The following SETBP1 variants were observed in gnomAD, a reference collection of about 807,000 sequenced individuals.
The protein encoded by SETBP1 is SET-binding protein.
A neutral mutation model predicts 101.0 loss-of-function variants in SETBP1; 9 were observed. The ratio of observed to expected loss-of-function variants is 0.09; its 90% confidence interval spans 0.05 to 0.16. The LOEUF (loss-of-function observed/expected upper bound fraction) is 0.16, where lower values mean the gene tolerates loss of function less well. SETBP1 is among the 10% of genes least tolerant of loss of function. The pLI, the probability that SETBP1 is intolerant of heterozygous loss-of-function variation, is 1.00. For synonymous variants in SETBP1, 818 were observed against 788.5 expected (o/e 1.04, Z -0.63); for missense variants, 1,858 against 2,033.8 (o/e 0.91, Z 1.66).
intron 4 of SETBP1, among the ~76,000 whole-genome samples, chr18:44,967,406 A>T (rs2071744812): frequency 6.6e-6 from 1 of 152,226 alleles, no homozygotes; most frequent in Non-Finnish European, 1.5e-5. Context: ...ATAAAAATGC[A>T]GTGATAAGAA....
intron 4 of SETBP1, among the ~76,000 whole-genome samples, chr18:44,998,563 C>CG (rs2072549023): frequency 6.6e-6 from 1 of 152,228 alleles, no homozygotes; most frequent in African/African-American, 2.4e-5. Context: ...CAACGACTGC[C>CG]GTTCCTTTTT....
At position 44,844,410 on chromosome 18, in the gene SETBP1, A is replaced by G. The variant is rs184654043; in HGVS notation, c.487-24820A>G. The stretch of plus-strand genomic sequence containing the variant: ...ACTGCATTGCTCTGACTTCAACTAG[A>G]GAGACATACTTCCTGCTTCTTACTG... On this transcript the variant is annotated intron_variant, in intron 2 of 5. Coordinates refer to ENST00000649279, the MANE Select transcript of SETBP1 (RefSeq NM_015559.3). Among the ~76,000 whole-genome samples, 129 of 152,038 alleles carry G rather than the reference A, an allele frequency of 8.5e-4. 1 individual carries two copies. Among genetic ancestry groups the G allele is most frequent in the Middle Eastern group, 3.4e-3 (1 of 294 alleles).
chr18:45,022,925 C>T (rs911069764), intron 4 of SETBP1, among the ~76,000 whole-genome samples: 7 of 152,228 alleles, frequency 4.6e-5, no homozygotes, highest in Non-Finnish European at 1.0e-4. Flanking sequence ...AGTAGCCTCA[C>T]ATTTAAGCCT....
At position 44,800,383 on chromosome 18, in the gene SETBP1, G is replaced by T. The variant is rs993573935; in HGVS notation, c.487-68847G>T. On this transcript the variant is annotated intron_variant, in intron 2 of 5. Transcript: ENST00000649279. Reference sequence around the variant, plus strand: ...AAGCAGGGATTTATATTGGGATTCTGTTTATAATTCTTGAAGGATATCTAT... The same window carrying T: ...AAGCAGGGATTTATATTGGGATTCTTTTTATAATTCTTGAAGGATATCTAT... Among the ~76,000 whole-genome samples, 5 of 152,154 alleles carry T rather than the reference G, an allele frequency of 3.3e-5. No homozygotes were observed. In the South Asian group the frequency reaches 1.0e-3, roughly 32 times the overall value.
At chr18:44,754,807 G>A (rs1195354229) in intron 2 of SETBP1, among the ~76,000 whole-genome samples, 3 of 152,168 alleles carry the variant, frequency 2.0e-5, no homozygotes, top group Non-Finnish European at 4.4e-5. Flanking sequence ...ATCTGTTGCT[G>A]GGCTTGATGA....
chr18:44,773,297 G>T (rs2070915250), intron 2 of SETBP1, among the ~76,000 whole-genome samples: 2 of 152,126 alleles, frequency 1.3e-5, no homozygotes, highest in Non-Finnish European at 2.9e-5. Flanking sequence ...GATCTTCCTG[G>T]AACTGAGGGA....
intron 3 of SETBP1, among the ~76,000 whole-genome samples, chr18:44,946,642 T>C (rs1202786127): frequency 1.3e-5 from 2 of 152,240 alleles, no homozygotes; most frequent in Non-Finnish European, 2.9e-5. Flanking sequence ...TTGTCTTTTG[T>C]GTGCAGCTGT....
intron 2 of SETBP1, chr18:44,733,423 C>T (rs2069883612): frequency 6.6e-6 from 1 of 152,214 alleles, no homozygotes; most frequent in Non-Finnish European, 1.5e-5. Context: ...CCTGTCTCTC[C>T]ACATTAAAGT....
At position 44,788,002 on chromosome 18, in the gene SETBP1, GT is replaced by G. The variant is rs879795599; in HGVS notation, c.487-81216del. Among the ~76,000 whole-genome samples the G allele has an allele frequency of 4.3e-3, 621 of 144,708 alleles. 5 individuals are homozygous for G. Among genetic ancestry groups the G allele is most frequent in the Middle Eastern group, 0.014 (4 of 282 alleles). The allele number at this position is 144,708 out of a possible 152,430, so 94.9% of individuals were successfully genotyped here. On this transcript the variant is annotated intron_variant, in intron 2 of 5. Coordinates refer to ENST00000649279, the MANE Select transcript of SETBP1 (RefSeq NM_015559.3). ...GACTTGTATACATTAGTTTATTGGA[GT>G]TTTTTTTTTTTCTTCACAATAGGAG...
intron 2 of SETBP1, among the ~76,000 whole-genome samples, chr18:44,827,732 G>T (rs545272409): frequency 6.6e-6 from 1 of 152,130 alleles, no homozygotes; most frequent in African/African-American, 2.4e-5. Context: ...AACATTAGGC[G>T]ATCAAAGCAT....
At chr18:44,995,141 T>A (rs1274888555) in intron 4 of SETBP1, among the ~76,000 whole-genome samples, 1 of 140,764 alleles carries the variant, frequency 7.1e-6, no homozygotes, top group Admixed American at 7.0e-5. Flanking sequence ...TTTACTTTTT[T>A]TTTTTTTTTT....
intron 3 of SETBP1, among the ~76,000 whole-genome samples, chr18:44,930,923 T>G (rs1349941543): frequency 6.6e-6 from 1 of 152,198 alleles, no homozygotes; most frequent in Non-Finnish European, 1.5e-5. Flanking sequence ...AAGAGTTTTT[T>G]GTGTCTCTAT....
At position 44,950,894 on chromosome 18, in the gene SETBP1, G is replaced by T; in HGVS notation, c.1554G>T (p.Leu518=). The T allele has an allele frequency of 1.2e-6, 2 of 1,614,180 alleles. No individual in the cohort carries two copies. Among genetic ancestry groups the T allele is most frequent in the African/African-American group, 1.3e-5 (1 of 75,042 alleles). The change falls in exon 4 of 6, where the codon CTG becomes CTT. Residue 518 remains leucine, a synonymous_variant. Coordinates refer to ENST00000649279, the MANE Select transcript of SETBP1 (RefSeq NM_015559.3). ...TCTDHSPSRK[L]PEIQHPKFAA... is the part of the protein sequence containing the mutation. Reference sequence around the variant, plus strand: ...CAGATCACTCTCCATCCAGAAAGCTGCCAGAAATCCAGCATCCAAAATTTG... The same window carrying T: ...CAGATCACTCTCCATCCAGAAAGCTTCCAGAAATCCAGCATCCAAAATTTG...
intron 1 of SETBP1, among the ~76,000 whole-genome samples, chr18:44,690,855 T>G (rs1413978239): frequency 6.6e-6 from 1 of 152,200 alleles, no homozygotes; most frequent in Non-Finnish European, 1.5e-5. Context: ...TGTGAATTCC[T>G]CCTCCCTGCT....
intron 2 of SETBP1, among the ~76,000 whole-genome samples, chr18:44,740,029 C>T (rs891302924): frequency 6.6e-6 from 1 of 152,098 alleles, no homozygotes; most frequent in Non-Finnish European, 1.5e-5. Flanking sequence ...GTCACGGTTC[C>T]CCTCACCTCA....
chr18:44,885,758 G>T (rs1329260833), intron 3 of SETBP1, among the ~76,000 whole-genome samples: 1 of 149,478 alleles, frequency 6.7e-6, no homozygotes, highest in Middle Eastern at 3.2e-3. Context: ...CTGAGATTTT[G>T]TGGATGCCAA....
chr18:44,818,974 G>A (rs2072045037), intron 2 of SETBP1, among the ~76,000 whole-genome samples: 1 of 150,986 alleles, frequency 6.6e-6, no homozygotes, highest in Non-Finnish European at 1.5e-5. Flanking sequence ...CACTGAATGT[G>A]TGTGTGTGTG....
intron 4 of SETBP1, among the ~76,000 whole-genome samples, chr18:44,961,783 A>G (rs962632417): frequency 3.3e-5 from 5 of 152,206 alleles, no homozygotes; most frequent in Non-Finnish European, 2.9e-5. Context: ...TTTTGATCAT[A>G]TGATGACTAT....
intron 2 of SETBP1, among the ~76,000 whole-genome samples, chr18:44,742,226 T>C (rs372010061): frequency 1.3e-5 from 2 of 152,352 alleles, no homozygotes; most frequent in South Asian, 4.1e-4. Flanking sequence ...AGGAGAGTTA[T>C]GCAGACAAAG....
Sources: gnomAD v4.1 joint callset for allele counts (sites outside exome capture counted in the v4.1 genomes callset) on GRCh38, gnomAD v4.1.1 for gene constraint, MANE v1.5 for transcripts, NCBI Gene and HGNC (gene_info 2026-07-23, HGNC 2026-07-21) for gene names.